The following ZNF888 variants were observed in gnomAD, a reference collection of about 807,000 sequenced individuals.
ZNF888 encodes the protein CTD-2331H12.6.
A neutral mutation model predicts 7.2 loss-of-function variants in ZNF888; 5 were observed. The ratio of observed to expected loss-of-function variants is 0.70; its 90% CI spans 0.36 to 1.46. ZNF888 has a LOEUF of 1.46. ZNF888 is among the 40% of genes most tolerant of loss of function. The pLI is 0.03. For synonymous variants in ZNF888, 240 were observed against 284.3 expected (o/e 0.84, Z 1.57); for missense variants, 716 against 858.0 (o/e 0.83, Z 2.07).
chr19:52,912,393 A>G (rs188872056), intron 4 of ZNF888, among the ~76,000 whole-genome samples: 10,811 of 149,798 alleles, frequency 0.072, 547 homozygotes, highest in Non-Finnish European at 0.11. Context: ...GATTACAGGC[A>G]TGAGCCACCG....
At chr19:52,914,227 A>G (rs955322100) in intron 4 of ZNF888, 2 of 402,162 alleles carry the variant, frequency 5.0e-6, no homozygotes, top group African/African-American at 4.3e-5. Flanking sequence ...TCCCACTTGC[A>G]GAGAGTTTCC....
intron 4 of ZNF888, among the ~76,000 whole-genome samples, chr19:52,910,760 C>A (rs2064668551): frequency 6.6e-6 from 1 of 152,140 alleles, no homozygotes; most frequent in Non-Finnish European, 1.5e-5. Context: ...TTCCCAAATT[C>A]ATGAAAAATA....
At chr19:52,909,429 G>A (rs771271831) in intron 4 of ZNF888, among the ~76,000 whole-genome samples, 1 of 151,460 alleles carries the variant, frequency 6.6e-6, no homozygotes, top group Non-Finnish European at 1.5e-5. Flanking sequence ...TAAATTTTTA[G>A]TAGAGATGGG....
Position 52,906,952 on chromosome 19 carries a change from T to C in ZNF888, c.1370A>G (p.His457Arg). The C allele has an allele frequency of 1.9e-6, 3 of 1,613,390 alleles. No individual in the cohort carries two copies. Among genetic ancestry groups the C allele is most frequent in the Non-Finnish European group, 1.7e-6 (2 of 1,179,552 alleles). ...AGGTTTCTCTCCAGTATGAAGTCTA[T>C]GATGACGTGCAAGGTTTGATTGTTG... is the stretch of plus-strand genomic sequence containing the variant. ...FNQQSNLARH[H>R]RLHTGEKPYK... Residue 457 changes from histidine to arginine, a missense_variant, in exon 5 of 5, where the codon CAT becomes CGT. Coordinates refer to ENST00000638862, the MANE Select transcript of ZNF888 (RefSeq NM_001393938.1).
At chr19:52,910,433 T>C (rs1978615) in intron 4 of ZNF888, among the ~76,000 whole-genome samples, 52,450 of 152,088 alleles carry the variant, frequency 0.34, 10,681 homozygotes, top group African/African-American at 0.55. Flanking sequence ...ACCATGCTAC[T>C]GCACTCCAGC....
rs540211199 is a variant in ZNF888 at position 52,909,483 on chromosome 19, G to A, written c.143-1304C>T. Among the ~76,000 whole-genome samples the A allele has an allele frequency of 9.9e-5, 15 of 152,026 alleles. No homozygotes were observed. The South Asian group carries it at 3.1e-3, about 32-fold the overall frequency. On this transcript the variant is annotated intron_variant, in intron 4 of 4. Coordinates refer to ENST00000638862, the MANE Select transcript of ZNF888 (RefSeq NM_001393938.1). ...GGCTCGTCTCGAACTCCTGACCTCA[G>A]GTGACCCACATGTCTCAGCCTCCTA...
In ZNF888 at chr19:52,917,921, A is replaced by G; in HGVS notation, c.-48T>C. 1.2e-6 allele frequency: 2 copies of G among 1,609,816 alleles called. No homozygotes were observed. Among genetic ancestry groups the G allele is most frequent in the Non-Finnish European group, 1.7e-6 (2 of 1,179,976 alleles). On this transcript the variant is annotated 5_prime_UTR_variant, in exon 3 of 5. The change abolishes an upstream ATG in the 5' untranslated region. Coordinates refer to ENST00000638862, the MANE Select transcript of ZNF888 (RefSeq NM_001393938.1). ...TTCCTCTTCTGAGTTTCTTCTTCAC[A>G]TACCCAGAGTCTTTAGAAGTCAATC...
intron 4 of ZNF888, among the ~76,000 whole-genome samples, chr19:52,913,565 GC>G (rs1158118735): frequency 6.6e-6 from 1 of 152,010 alleles, no homozygotes; most frequent in Admixed American, 6.6e-5. Context: ...CAGGTGATCC[GC>G]CCCCGGCTCA....
chr19:52,912,622 T>A (rs993236654), intron 4 of ZNF888, among the ~76,000 whole-genome samples: 2 of 149,828 alleles, frequency 1.3e-5, no homozygotes, highest in African/African-American at 4.9e-5. Context: ...CCCAGCTACT[T>A]GAGAGGCTGA....
chr19:52,919,610 T>C (rs1388440426), intron 1 of ZNF888, among the ~76,000 whole-genome samples: 1 of 67,926 alleles, frequency 1.5e-5, no homozygotes, highest in African/African-American at 4.7e-5. Flanking sequence ...CGTCTCTGCC[T>C]GGCTGCCCAG....
chr19:52,920,938 TAAAAAAAAAAAAA>T lies in ZNF888; in HGVS notation c.-177-2014_-177-2002del, dbSNP rs145361548. Among the ~76,000 whole-genome samples, 7 of 6,532 alleles carry T rather than the reference TAAAAAAAAAAAAA, an allele frequency of 1.1e-3. 3 individuals carry two copies. Among genetic ancestry groups the T allele is most frequent in the African/African-American group, 2.6e-3 (7 of 2,662 alleles). 4.3% of individuals were successfully genotyped at this position (6,532 alleles called of 152,430 possible). On this transcript the variant is annotated intron_variant, in intron 1 of 4. Transcript: ENST00000638862. ...GCTCAGAATAAATCTCTTCAAATAT[TAAAAAAAAAAAAA>T]AAAAAAAAAAAAAAAAATCTTCATT... is the stretch of plus-strand genomic sequence containing the variant.
chr19:52,913,868 G>A, intron 4 of ZNF888: 6 of 457,180 alleles, frequency 1.3e-5, no homozygotes, highest in Non-Finnish European at 1.7e-5. Context: ...GCTCACGCCT[G>A]TAATCCCAGC....
chr19:52,915,291 T>C lies in ZNF888; in HGVS notation c.47A>G (p.Glu16Gly). 6.2e-7 allele frequency: 1 copy of C among 1,613,764 alleles called. No individual in the cohort carries two copies. The highest frequency in any genetic ancestry group is 8.5e-7 in the Non-Finnish European group (1 of 1,179,996). Residue 16 changes from glutamate (E) to glycine (G), a missense_variant, in exon 4 of 5, where the codon GAA becomes GGA. Glu to Gly is a moderately conservative substitution (Grantham distance 98). Coordinates refer to ENST00000638862, the MANE Select transcript of ZNF888 (RefSeq NM_001393938.1). ...GCATTTCCACTCCTCCTGAGAGAAT[T>C]CTATGGCCACATCCCTGAATGTCAA... ...GLLTFRDVAI[E>G]FSQEEWKCLD...
chr19:52,908,838 T>C, intron 4 of ZNF888, among the ~76,000 whole-genome samples: 1 of 98,404 alleles, frequency 1.0e-5, no homozygotes, highest in Admixed American at 1.4e-4. Flanking sequence ...AAAGTGAGAC[T>C]CGAGTCAAAA....
intron 4 of ZNF888, among the ~76,000 whole-genome samples, chr19:52,910,877 C>A (rs969563270): frequency 2.6e-5 from 4 of 152,114 alleles, no homozygotes; most frequent in African/African-American, 7.2e-5. Context: ...GATTCTCCTA[C>A]CTCAAGTGAT....
intron 1 of ZNF888, among the ~76,000 whole-genome samples, chr19:52,922,965 AC>A (rs1360918713): frequency 6.6e-6 from 1 of 152,074 alleles, no homozygotes; most frequent in African/African-American, 2.4e-5. Context: ...GGATCCCACC[AC>A]CGGGCAGAGA....
At chr19:52,919,880 T>C (rs1393812715) in intron 1 of ZNF888, among the ~76,000 whole-genome samples, 1 of 55,078 alleles carries the variant, frequency 1.8e-5, no homozygotes, top group African/African-American at 6.4e-5. Context: ...ACCCTCTGCC[T>C]GGCAACCGCC....
chr19:52,923,007 G>A (rs1447982856), intron 1 of ZNF888, among the ~76,000 whole-genome samples: 1 of 152,162 alleles, frequency 6.6e-6, no homozygotes, highest in Admixed American at 6.5e-5. Context: ...TGGTGTCAGC[G>A]CTGGGCTCCA....
In ZNF888 at chr19:52,917,744, G is replaced by T. The variant is rs180743541; in HGVS notation, c.15+115C>A. 9 of 1,562,094 alleles carry T rather than the reference G, an allele frequency of 5.8e-6. No homozygotes were observed. The Admixed American group carries it at 1.0e-4, about 17-fold the overall frequency. Reference sequence around the variant, plus strand: ...AGGGACTGAGGGAAGGCATGGGTGAGTGTGAGCAAACCTGTCACGCAGGAT... The same window carrying T: ...AGGGACTGAGGGAAGGCATGGGTGATTGTGAGCAAACCTGTCACGCAGGAT... On this transcript the variant is annotated intron_variant, in intron 3 of 4. Transcript: ENST00000638862.
Sources: allele counts gnomAD v4.1 joint callset (sites outside exome capture counted in the v4.1 genomes callset), GRCh38; gene constraint gnomAD v4.1.1; transcripts MANE v1.5; gene names NCBI Gene and HGNC (gene_info 2026-07-23, HGNC 2026-07-21).